Variants in TMPRSS15 observed in about 807,000 individuals in gnomAD.
TMPRSS15 encodes transmembrane serine protease 15.
In TMPRSS15, 128 loss-of-function variants were observed where a neutral mutation model predicts 125.3. The ratio of observed to expected loss-of-function variants is 1.02; its 90% CI spans 0.89 to 1.18. The LOEUF is 1.18. Among genes scored for constraint, TMPRSS15 ranks in the 50% most tolerant of loss-of-function variants. The pLI is 0.00. For missense variants in TMPRSS15, 1,283 were observed against 1,212.7 expected (o/e 1.06, Z -0.86); for synonymous variants, 446 against 423.2 (o/e 1.05, Z -0.66).
intron 18 of TMPRSS15, among the ~76,000 whole-genome samples, chr21:18,309,255 C>T (rs2075069237): frequency 6.6e-6 from 1 of 151,994 alleles, no homozygotes; most frequent in Admixed American, 6.6e-5. Context: ...CAAAAATTAA[C>T]TCAAGATGGA....
At chr21:18,321,588 C>T (rs1601331835) in intron 16 of TMPRSS15, among the ~76,000 whole-genome samples, 1 of 152,172 alleles carries the variant, frequency 6.6e-6, no homozygotes, top group Non-Finnish European at 1.5e-5. Context: ...TCCTGCCTCT[C>T]GATCCGCCCG....
chr21:18,294,024 A>C (rs1467002487), intron 21 of TMPRSS15, among the ~76,000 whole-genome samples: 1 of 152,272 alleles, frequency 6.6e-6, no homozygotes, highest in Non-Finnish European at 1.5e-5. Context: ...AAAGTGTAAA[A>C]AGATCTAATG....
rs190351823 is a variant in TMPRSS15 at position 18,388,015 on chromosome 21, C to T, written c.345-4237G>A. ...AGGTGATTATTTAAGGTAAAGTAATCCTAAGTGTTTCATTGTTACTCTCTC... is the reference window on the plus strand; with the variant it reads ...AGGTGATTATTTAAGGTAAAGTAATTCTAAGTGTTTCATTGTTACTCTCTC... On this transcript the variant is annotated intron_variant, in intron 3 of 24. Coordinates refer to ENST00000284885, the MANE Select transcript of TMPRSS15 (RefSeq NM_002772.3). Among the ~76,000 whole-genome samples, 19 of 152,102 alleles carry T rather than the reference C, an allele frequency of 1.2e-4. No individual in the cohort carries two copies. The East Asian group carries it at 2.5e-3, about 20-fold the overall frequency.
Position 18,403,293 on chromosome 21 carries a change from C to A in TMPRSS15, c.145+185G>T, listed in dbSNP as rs370555763. 2.0e-4 allele frequency among the ~76,000 whole-genome samples: 31 copies of A among 152,244 alleles called. No individual in the cohort carries two copies. The East Asian group carries it at 4.4e-3, about 22-fold the overall frequency. On this transcript the variant is annotated intron_variant, in intron 1 of 24. Transcript: ENST00000284885. Reference sequence around the variant, plus strand: ...TTTTCCTAATATTCTCTGAAGGGAACTACAGAGAAGTACATGAAGGCAACA... The same window carrying A: ...TTTTCCTAATATTCTCTGAAGGGAAATACAGAGAAGTACATGAAGGCAACA...
chr21:18,332,303 G>A (rs2075353608), intron 13 of TMPRSS15, 130 bp from the exon 14 acceptor site: 17 of 794,272 alleles, frequency 2.1e-5, no homozygotes, highest in South Asian at 1.3e-4. Context: ...TTAGAGTCAT[G>A]TTAGGGTAAA....
chr21:18,321,510 G>A (rs148316299), intron 16 of TMPRSS15, among the ~76,000 whole-genome samples: 2,002 of 151,836 alleles, frequency 0.013, 49 homozygotes, highest in African/African-American at 0.043. Context: ...CTGCCACCAC[G>A]CCCAGCTAAT....
chr21:18,306,480 A>G (rs1415719556), intron 18 of TMPRSS15, among the ~76,000 whole-genome samples: 1 of 152,180 alleles, frequency 6.6e-6, no homozygotes, highest in Non-Finnish European at 1.5e-5. Flanking sequence ...TCTGTTTCTT[A>G]TTAGCATTTG....
chr21:18,312,676 A>C, intron 18 of TMPRSS15, among the ~76,000 whole-genome samples: 1 of 151,852 alleles, frequency 6.6e-6, no homozygotes, highest in Non-Finnish European at 1.5e-5. Context: ...AATCATGAGA[A>C]ATGCCCACAC....
At chr21:18,444,854 C>T (rs563169764) in intron 1 of TMPRSS15, among the ~76,000 whole-genome samples, 74 of 152,252 alleles carry the variant, frequency 4.9e-4, no homozygotes, top group African/African-American at 1.4e-3. Flanking sequence ...CTCCCCCTTA[C>T]CTCCTCTCCT....
chr21:18,396,847 T>TATCTATCTATCTATCAATC (rs200141519), intron 3 of TMPRSS15, among the ~76,000 whole-genome samples: 6 of 139,410 alleles, frequency 4.3e-5, no homozygotes, highest in African/African-American at 1.6e-4. Flanking sequence ...TCTATCTATC[T>TATCTATCTATCTATCAATC]ATCTTAAGTC....
intron 16 of TMPRSS15, among the ~76,000 whole-genome samples, chr21:18,325,072 C>T (rs2075275357): frequency 6.7e-6 from 1 of 149,416 alleles, no homozygotes; most frequent in Admixed American, 6.7e-5. Flanking sequence ...TAAATTCTCG[C>T]CACACACACA....
At chr21:18,462,511 T>C (rs1264586433) in intron 1 of TMPRSS15, among the ~76,000 whole-genome samples, 1 of 152,026 alleles carries the variant, frequency 6.6e-6, no homozygotes, top group East Asian at 1.9e-4. Flanking sequence ...TAAATGGCCA[T>C]ATATAAGGAA....
intron 6 of TMPRSS15, among the ~76,000 whole-genome samples, chr21:18,369,673 G>A (rs2075772372): frequency 1.3e-5 from 2 of 151,480 alleles, no homozygotes; most frequent in African/African-American, 4.9e-5. Context: ...AGAGAGTAAA[G>A]GTAAACTTCA....
intron 1 of TMPRSS15, among the ~76,000 whole-genome samples, chr21:18,426,049 A>T (rs567241880): frequency 6.6e-6 from 1 of 152,154 alleles, no homozygotes; most frequent in African/African-American, 2.4e-5. Context: ...ACTCTTTTAT[A>T]GCCTGCATAC....
intron 1 of TMPRSS15, among the ~76,000 whole-genome samples, chr21:18,483,890 T>A (rs1011618574): frequency 1.3e-5 from 2 of 151,918 alleles, no homozygotes; most frequent in Non-Finnish European, 2.9e-5. Context: ...CCACTTCCAG[T>A]AACTGAGAAT....
In TMPRSS15 at chr21:18,475,476, CA is replaced by C. The variant is rs1364491247; in HGVS notation, c.10+10322del. ...GTGTGGTGTCGCGGGCCTGTAGTCC[CA>C]GCTACTCAGTAGTCCGAGGTGGGAG... is the stretch of plus-strand genomic sequence containing the variant. On this transcript the variant is annotated intron_variant, in intron 1 of 7. Transcript: ENST00000422787. Among the ~76,000 whole-genome samples the C allele has an allele frequency of 4.5e-3, 683 of 152,178 alleles. 8 individuals are homozygous for C. Among genetic ancestry groups the C allele is most frequent in the African/African-American group, 0.016 (656 of 41,514 alleles).
At chr21:18,354,915 T>C (rs1182780400) in intron 8 of TMPRSS15, among the ~76,000 whole-genome samples, 3 of 151,862 alleles carry the variant, frequency 2.0e-5, no homozygotes, top group Non-Finnish European at 4.4e-5. Context: ...TGAAAAGAGA[T>C]ACTTTTATGA....
intron 1 of TMPRSS15, among the ~76,000 whole-genome samples, chr21:18,465,439 G>T (rs2122955483): frequency 2.0e-5 from 3 of 152,002 alleles, no homozygotes; most frequent in African/African-American, 4.8e-5. Context: ...AGGAATAAAG[G>T]GTATTCAAAT....
At chr21:18,390,203 C>T (rs1329667107) in intron 3 of TMPRSS15, among the ~76,000 whole-genome samples, 2 of 152,168 alleles carry the variant, frequency 1.3e-5, no homozygotes, top group African/African-American at 4.8e-5. Flanking sequence ...AGTCAAGGGA[C>T]TCCTTCACAC....
Sources: gnomAD v4.1 joint callset for allele counts (sites outside exome capture counted in the v4.1 genomes callset) on GRCh38, gnomAD v4.1.1 for gene constraint, MANE v1.5 for transcripts, NCBI Gene and HGNC (gene_info 2026-07-23, HGNC 2026-07-21) for gene names.